The following WWOX variants were observed in gnomAD, a reference collection of about 807,000 sequenced individuals.
WWOX encodes the protein WW domain-containing oxidoreductase.
A neutral mutation model predicts 46.2 loss-of-function variants in WWOX; 69 were observed. The observed-to-expected ratio is 1.49, with a 90% CI of 1.23 to 1.82. The LOEUF (loss-of-function observed/expected upper bound fraction) is 1.82. Ranked by LOEUF, WWOX falls within the 40% of genes most tolerant of loss-of-function variation. The pLI is 0.00. For synonymous variants in WWOX, 359 were observed against 202.6 expected (o/e 1.77, Z -6.56); for missense variants, 919 against 542.6 (o/e 1.69, Z -6.89).
chr16:79,154,690 A>C (rs8059106), intron 8 of WWOX, among the ~76,000 whole-genome samples: 10,124 of 152,222 alleles, frequency 0.067, 467 homozygotes, highest in African/African-American at 0.13. Flanking sequence ...ACGTTTGGTA[A>C]ACTGTTAATC....
At chr16:78,848,753 G>C (rs13335885) in intron 8 of WWOX, among the ~76,000 whole-genome samples, 19,728 of 151,782 alleles carry the variant, frequency 0.13, 2,379 homozygotes, top group African/African-American at 0.32. Flanking sequence ...AGTTCTCAAT[G>C]CCATACATGA....
At position 78,431,805 on chromosome 16, in the gene WWOX, C is replaced by T. The variant is rs540038320; in HGVS notation, c.792-683C>T. Among the ~76,000 whole-genome samples the T allele has an allele frequency of 1.4e-3, 209 of 152,126 alleles. 1 individual carries two copies. Among genetic ancestry groups the T allele is most frequent in the Non-Finnish European group, 1.6e-3 (111 of 68,006 alleles). ...AATCATAGCTCACTGCAACGTTGACCTCCCAGGCTGAAGCGATCCTCCTGC... is the reference window on the plus strand; with the variant it reads ...AATCATAGCTCACTGCAACGTTGACTTCCCAGGCTGAAGCGATCCTCCTGC... On this transcript the variant is annotated intron_variant, in intron 7 of 8. Transcript: ENST00000566780.
intron 8 of WWOX, among the ~76,000 whole-genome samples, chr16:79,177,451 T>C (rs1217905932): frequency 2.6e-5 from 4 of 152,184 alleles, no homozygotes; most frequent in East Asian, 1.9e-4. Flanking sequence ...TAACCTCTTA[T>C]GGTCAGGCTC....
intron 5 of WWOX, among the ~76,000 whole-genome samples, chr16:78,177,005 A>G (rs574373390): frequency 6.6e-6 from 1 of 152,304 alleles, no homozygotes; most frequent in South Asian, 2.1e-4. Context: ...GGAAATGCAA[A>G]TTCTTGGGCC....
intron 5 of WWOX, among the ~76,000 whole-genome samples, chr16:78,351,108 G>A (rs900142810): frequency 3.9e-5 from 6 of 152,150 alleles, no homozygotes; most frequent in Non-Finnish European, 7.3e-5. Context: ...GCGGTTATCA[G>A]GTCACACCTG....
At chr16:78,924,795 C>G (rs1237618727) in intron 8 of WWOX, among the ~76,000 whole-genome samples, 1 of 152,180 alleles carries the variant, frequency 6.6e-6, no homozygotes, top group Non-Finnish European at 1.5e-5. Flanking sequence ...TTATAGACAT[C>G]TCTTTTAGAC....
In WWOX at chr16:78,878,934, G is replaced by T. The variant is rs538899884; in HGVS notation, c.1057-332674G>T. Among the ~76,000 whole-genome samples, 55 of 149,760 alleles carry T rather than the reference G, an allele frequency of 3.7e-4. No individual in the cohort carries two copies. In the South Asian group the frequency reaches 5.6e-3, roughly 15 times the overall value. On this transcript the variant is annotated intron_variant, in intron 8 of 8. Coordinates refer to ENST00000566780, the MANE Select transcript of WWOX (RefSeq NM_016373.4). ...AAAAAAAAAAAAGCCTGTCATAGTG[G>T]TACATGCCTATAGTCTTAGCTATTC... is the stretch of plus-strand genomic sequence containing the variant.
chr16:78,526,190 C>T (rs934253483), intron 8 of WWOX: 2 of 152,242 alleles, frequency 1.3e-5, no homozygotes, highest in Admixed American at 1.3e-4. Context: ...AGTAGTGGAG[C>T]TAGGGAGTAG....
intron 5 of WWOX, among the ~76,000 whole-genome samples, chr16:78,247,770 G>T (rs1381219400): frequency 6.6e-6 from 1 of 152,124 alleles, no homozygotes; most frequent in African/African-American, 2.4e-5. Flanking sequence ...AGTTCCACTT[G>T]TTCCCTTACC....
At chr16:78,501,193 C>CTTTTTTTTTT (rs1218791135) in intron 8 of WWOX, among the ~76,000 whole-genome samples, 16 of 90,926 alleles carry the variant, frequency 1.8e-4, no homozygotes, top group South Asian at 4.4e-4. Context: ...CTTTCTTTCT[C>CTTTTTTTTTT]TTTTTTTTTT....
intron 8 of WWOX, among the ~76,000 whole-genome samples, chr16:78,722,936 G>T (rs1229835725): frequency 1.3e-5 from 2 of 152,074 alleles, no homozygotes; most frequent in African/African-American, 4.8e-5. Flanking sequence ...CACCTACTTG[G>T]GAGGCTGAGG....
At chr16:78,631,091 A>G (rs2550612) in intron 8 of WWOX, among the ~76,000 whole-genome samples, 67,603 of 152,062 alleles carry the variant, frequency 0.44, 17,020 homozygotes, top group Middle Eastern at 0.59. Context: ...GTACAGGAGC[A>G]TCACATACAT....
chr16:78,538,279 C>A (rs78622546), intron 8 of WWOX, among the ~76,000 whole-genome samples: 3,660 of 138,564 alleles, frequency 0.026, 173 homozygotes, highest in African/African-American at 0.093. Flanking sequence ...GTTCATATCA[C>A]ATTATTTTGG....
At chr16:78,631,756 G>C (rs1465583287) in intron 8 of WWOX, among the ~76,000 whole-genome samples, 7 of 152,040 alleles carry the variant, frequency 4.6e-5, no homozygotes, top group Admixed American at 4.6e-4. Context: ...TAACTCCTGG[G>C]CTCAAGCAAT....
chr16:78,795,224 C>T (rs539507847), intron 8 of WWOX, among the ~76,000 whole-genome samples: 2 of 152,182 alleles, frequency 1.3e-5, no homozygotes, highest in South Asian at 4.2e-4. Context: ...GTTATTCACA[C>T]TTCACAGATA....
At chr16:78,552,256 C>A (rs940324699) in intron 8 of WWOX, 1 of 152,192 alleles carries the variant, frequency 6.6e-6, no homozygotes, top group Non-Finnish European at 1.5e-5. Context: ...CGTCTCACTC[C>A]GTAAACTGTC....
At chr16:78,424,100 TTCTTTTC>T (rs532116694) in intron 6 of WWOX, among the ~76,000 whole-genome samples, 1,572 of 132,914 alleles carry the variant, frequency 0.012, 23 homozygotes, top group East Asian at 0.091. Flanking sequence ...TTCTTTTCTT[TTCTTTTC>T]TTTTTTTTTT....
At chr16:78,748,276 T>A (rs1390731191) in intron 8 of WWOX, among the ~76,000 whole-genome samples, 1 of 152,182 alleles carries the variant, frequency 6.6e-6, no homozygotes, top group Non-Finnish European at 1.5e-5. Flanking sequence ...TCACCACAAA[T>A]AAACATTTTA....
At chr16:78,118,649 T>G (rs1440887204) in intron 4 of WWOX, among the ~76,000 whole-genome samples, 1 of 152,174 alleles carries the variant, frequency 6.6e-6, no homozygotes, top group Admixed American at 6.5e-5. Flanking sequence ...GCAGAGATCA[T>G]CTAGCTCGCA....
Sources: allele counts gnomAD v4.1 joint callset (sites outside exome capture counted in the v4.1 genomes callset), GRCh38; gene constraint gnomAD v4.1.1; transcripts MANE v1.5; gene names NCBI Gene and HGNC (gene_info 2026-07-23, HGNC 2026-07-21).